Variants in SKIL observed in about 807,000 individuals in gnomAD.
The protein encoded by SKIL is ski-like protein.
SKIL carries 20 observed loss-of-function variants against 69.6 expected under a neutral mutation model. The observed-to-expected ratio is 0.29, with a 90% confidence interval of 0.20 to 0.42. SKIL has a LOEUF of 0.42. SKIL is among the 10% of genes least tolerant of loss of function. The pLI is 1.00. For missense variants in SKIL, 745 were observed against 783.1 expected, an observed-to-expected ratio of 0.95 and a Z score of 0.58; for synonymous variants, 310 against 279.9, an observed-to-expected ratio of 1.11 and a Z score of -1.08.
Position 170,394,114 on chromosome 3 carries a change from A to ATTTTTT in SKIL, c.*1697_*1698insTTTTTT, listed in dbSNP as rs1560224797. ...AATATTAAAATGACATGTAGAAACAAATTTTTTTTTTTTTTTTTTTTTTTT... is the reference window on the plus strand; with the variant it reads ...AATATTAAAATGACATGTAGAAACAATTTTTTATTTTTTTTTTTTTTTTTTTTTTTT... On this transcript the variant is annotated 3_prime_UTR_variant, in exon 7 of 7. Transcript: ENST00000259119. The ATTTTTT allele has an allele frequency of 3.4e-4, 45 of 131,720 alleles. 2 individuals carry two copies. The highest frequency in any genetic ancestry group is 1.3e-3 in the African/African-American group (43 of 32,440). The allele number at this position is 131,720 out of a possible 1,614,324, so 8.2% of individuals were successfully genotyped here.
In SKIL at chr3:170,389,606, G is replaced by A. The variant is rs556900791; in HGVS notation, c.1430-617G>A. Reference sequence around the variant, plus strand: ...TGGGATTACAGGCGTGAGCCACCGCGCCTGGCCAGAAAAGATTATTCTTTC... The same window carrying A: ...TGGGATTACAGGCGTGAGCCACCGCACCTGGCCAGAAAAGATTATTCTTTC... On this transcript the variant is annotated intron_variant, in intron 4 of 6. Transcript: ENST00000259119. Among the ~76,000 whole-genome samples the A allele has an allele frequency of 8.3e-4, 126 of 152,190 alleles. 1 individual carries two copies. Among genetic ancestry groups the A allele is most frequent in the Non-Finnish European group, 1.5e-3 (105 of 67,994 alleles).
chr3:170,360,290 A>G lies in SKIL; in HGVS notation c.-42A>G, dbSNP rs1409006670. 2.0e-6 allele frequency: 3 copies of G among 1,499,378 alleles called. No individual in the cohort carries two copies. In the African/African-American group the frequency reaches 4.2e-5, roughly 21 times the overall value. 92.9% of individuals were successfully genotyped at this position (1,499,378 alleles called of 1,614,324 possible). On this transcript the variant is annotated 5_prime_UTR_variant, in exon 2 of 7. Transcript: ENST00000259119. ...CTTTTCAAATAAGCAACTAAATAGAAATGCTAATCTCAGACTTAATTATTT... is the reference window on the plus strand; with the variant it reads ...CTTTTCAAATAAGCAACTAAATAGAGATGCTAATCTCAGACTTAATTATTT...
At chr3:170,371,158 TTGTAAC>T (rs1488531602) in intron 2 of SKIL, among the ~76,000 whole-genome samples, 1 of 152,192 alleles carries the variant, frequency 6.6e-6, no homozygotes, top group African/African-American at 2.4e-5. Flanking sequence ...GCGTATGTAA[TTGTAAC>T]TGTGTTTGTG....
At position 170,376,529 on chromosome 3, in the gene SKIL, C is replaced by A. The variant is rs60525807; in HGVS notation, c.1099-4715C>A. 2.0e-3 allele frequency among the ~76,000 whole-genome samples: 305 copies of A among 152,236 alleles called. 3 individuals are homozygous for A. The highest frequency in any genetic ancestry group is 7.0e-3 in the African/African-American group (291 of 41,542). Reference sequence around the variant, plus strand: ...TAAAATGTCTGAAAAAGTTTTGAATCTAAGTGGTATACAGAACATAATTTA... The same window carrying A: ...TAAAATGTCTGAAAAAGTTTTGAATATAAGTGGTATACAGAACATAATTTA... On this transcript the variant is annotated intron_variant, in intron 2 of 6. Transcript: ENST00000259119.
intron 2 of SKIL, among the ~76,000 whole-genome samples, chr3:170,365,245 C>T (rs1436515229): frequency 1.3e-5 from 2 of 152,122 alleles, no homozygotes; most frequent in African/African-American, 2.4e-5. Context: ...GCTTCTAACT[C>T]GAAGTTTAGT....
intron 2 of SKIL, among the ~76,000 whole-genome samples, chr3:170,362,818 A>C (rs1185387156): frequency 2.0e-5 from 3 of 150,236 alleles, no homozygotes; most frequent in Non-Finnish European, 4.4e-5. Flanking sequence ...CCATTTCAAA[A>C]AAAAAAAACA....
At chr3:170,375,498 C>T (rs1299666264) in intron 2 of SKIL, among the ~76,000 whole-genome samples, 1 of 152,176 alleles carries the variant, frequency 6.6e-6, no homozygotes, top group Non-Finnish European at 1.5e-5. Flanking sequence ...GCTTGATATT[C>T]TGAAGATTTG....
chr3:170,368,599 C>T (rs564818685), intron 2 of SKIL, among the ~76,000 whole-genome samples: 1 of 152,292 alleles, frequency 6.6e-6, no homozygotes, highest in African/African-American at 2.4e-5. Context: ...GATGGTATTT[C>T]AAACTACTAT....
In SKIL at chr3:170,386,292, G is replaced by A. The variant is rs536416695; in HGVS notation, c.1429+1527G>A. Among the ~76,000 whole-genome samples the A allele has an allele frequency of 3.4e-5, 5 of 148,600 alleles. No individual in the cohort carries two copies. In the East Asian group the frequency reaches 8.1e-4, roughly 24 times the overall value. On this transcript the variant is annotated intron_variant, in intron 4 of 6. Transcript: ENST00000259119. ...ATTATAGGCATGCACCACCACGCCC[G>A]GCTAATTTTGTATTTTTAGTAGACA...
rs1032008297 is a variant in SKIL, at chr3:170,357,753, G to C, written c.-644G>C. 1 of 165,992 alleles carries C rather than the reference G, an allele frequency of 6.0e-6. No individual in the cohort carries two copies. Among genetic ancestry groups the C allele is most frequent in the African/African-American group, 2.4e-5 (1 of 41,512 alleles). 10.3% of individuals were successfully genotyped at this position (165,992 alleles called of 1,614,324 possible). A position where few individuals can be genotyped will look rare whatever the true frequency, so the allele number is the denominator to read the frequency against. The stretch of plus-strand genomic sequence containing the variant: ...GCGGGCGAGCGGCGACGGCGGCGGC[G>C]GCGGGCACAGGTGCGGCTCCGGCTT... On this transcript the variant is annotated 5_prime_UTR_variant, in exon 1 of 7. Coordinates refer to ENST00000259119, the MANE Select transcript of SKIL (RefSeq NM_005414.5).
chr3:170,360,755 A>G lies in SKIL; in HGVS notation c.424A>G (p.Thr142Ala). 1 of 1,614,156 alleles carries G rather than the reference A, an allele frequency of 6.2e-7. No homozygotes were observed. The highest frequency in any genetic ancestry group is 8.5e-7 in the Non-Finnish European group (1 of 1,180,004). Residue 142 changes from threonine to alanine, a missense_variant, in exon 2 of 7, where the codon ACA becomes GCA. By Grantham distance (58) the Thr-to-Ala change is moderately conservative. Transcript: ENST00000259119. ...GPLLIPSDSSTELTQTVLEGE... is the reference protein window; with the variant it reads ...GPLLIPSDSSAELTQTVLEGE... ...ATTGCTCATCCCTTCAGATAGCTCC[A>G]CAGAACTCACTCAGACTGTGTTGGA...
At chr3:170,363,324 A>G (rs1736336402) in intron 2 of SKIL, among the ~76,000 whole-genome samples, 1 of 152,206 alleles carries the variant, frequency 6.6e-6, no homozygotes, top group African/African-American at 2.4e-5. Context: ...AGGGAAATTT[A>G]GTTAACAGTG....
At chr3:170,381,130 T>C in intron 2 of SKIL, 114 bp from the exon 3 acceptor site, 1 of 657,758 alleles carries the variant, frequency 1.5e-6, no homozygotes, top group Middle Eastern at 2.6e-4. Context: ...CGTGGCATGA[T>C]GACTCTTAAA....
intron 2 of SKIL, among the ~76,000 whole-genome samples, chr3:170,376,295 C>G (rs1340223759): frequency 6.6e-6 from 1 of 151,992 alleles, no homozygotes; most frequent in African/African-American, 2.4e-5. Flanking sequence ...GATCCACCCA[C>G]CTCGGCCTCC....
intron 6 of SKIL, among the ~76,000 whole-genome samples, chr3:170,391,858 G>A (rs1421980211): frequency 6.6e-6 from 1 of 152,154 alleles, no homozygotes; most frequent in Non-Finnish European, 1.5e-5. Context: ...TAGTATATGA[G>A]CTTTCAAATC....
intron 6 of SKIL, 79 bp from the exon 7 acceptor site, chr3:170,392,180 A>ACC: frequency 8.5e-7 from 1 of 1,171,948 alleles, no homozygotes; most frequent in South Asian, 1.7e-5. Flanking sequence ...GTAATTTGAA[A>ACC]ATAGATATTT....
intron 6 of SKIL, among the ~76,000 whole-genome samples, chr3:170,391,509 C>T (rs1403295719): frequency 2.6e-5 from 4 of 151,972 alleles, no homozygotes; most frequent in South Asian, 2.1e-4. Flanking sequence ...TTAGTAGAGA[C>T]GGGGTTTCAC....
intron 1 of SKIL, 86 bp downstream of exon 1, chr3:170,357,849 CAG>C (rs1190239005): frequency 6.5e-6 from 1 of 153,480 alleles, no homozygotes; most frequent in Non-Finnish European, 1.5e-5. Context: ...ACGGCGGCGA[CAG>C]GGGCGGTGGG....
At chr3:170,362,481 G>A (rs190957424) in intron 2 of SKIL, among the ~76,000 whole-genome samples, 2 of 152,016 alleles carry the variant, frequency 1.3e-5, no homozygotes, top group East Asian at 1.9e-4. Context: ...CAGCGTAGGC[G>A]TCGAGGGAAA....
Sources: gnomAD v4.1 joint callset for allele counts (sites outside exome capture counted in the v4.1 genomes callset) on GRCh38, gnomAD v4.1.1 for gene constraint, MANE v1.5 for transcripts, NCBI Gene and HGNC (gene_info 2026-07-23, HGNC 2026-07-21) for gene names.